Variants in CFAP47 observed in about 807,000 individuals in gnomAD.
CFAP47 encodes the protein cilia and flagella associated protein 47, also known as cilia- and flagella-associated protein 47.
CFAP47 carries 29 observed loss-of-function variants against 148.1 expected under a neutral mutation model. The observed-to-expected ratio is 0.20, with a 90% CI of 0.15 to 0.27. CFAP47 has a LOEUF of 0.27. Ranked by LOEUF, CFAP47 falls within the 10% of genes least tolerant of loss-of-function variation. CFAP47 has a pLI of 1.00. For synonymous variants in CFAP47, 664 were observed against 577.3 expected (o/e 1.15, Z -2.15); for missense variants, 1,872 against 1,697.5 (o/e 1.10, Z -1.81).
intron 49 of CFAP47, among the ~76,000 whole-genome samples, chrX:36,275,646 T>C (rs1941008303): frequency 9.0e-6 from 1 of 111,010 alleles, no homozygotes; most frequent in Non-Finnish European, 1.9e-5. Context: ...TACTGGACTT[T>C]AGTTTTCTTT....
At chrX:35,934,118 G>T (rs1935873395) in intron 2 of CFAP47, among the ~76,000 whole-genome samples, 1 of 110,972 alleles carries the variant, frequency 9.0e-6, no homozygotes, top group Admixed American at 9.6e-5. Context: ...GCCTGTGCTT[G>T]TGGGGTGCTA....
rs2146686187 is a variant in CFAP47, at chrX:35,993,982, G to T, written c.3099+661G>T. 2.7e-5 allele frequency among the ~76,000 whole-genome samples: 3 copies of T among 111,435 alleles called. 1 individual carries two copies. The South Asian group carries it at 1.1e-3, about 42-fold the overall frequency. On this transcript the variant is annotated intron_variant, in intron 18 of 63. Coordinates refer to ENST00000378653, the MANE Select transcript of CFAP47 (RefSeq NM_001304548.2). ...ATGTAAATGAAAAATATTACCCTGG[G>T]CCAGGTGTGGTGGCTCACGCCTGTA...
intron 49 of CFAP47, among the ~76,000 whole-genome samples, chrX:36,263,134 G>C (rs1940849895): frequency 8.9e-6 from 1 of 111,753 alleles, no homozygotes; most frequent in African/African-American, 3.3e-5. Flanking sequence ...TGTGTAGTTT[G>C]CAAATGTGTT....
intron 51 of CFAP47, among the ~76,000 whole-genome samples, chrX:36,288,230 C>A (rs1941154451): frequency 8.9e-6 from 1 of 112,005 alleles, no homozygotes; most frequent in Non-Finnish European, 1.9e-5. Context: ...GTTCCAAAAC[C>A]AGATTACATT....
At chrX:36,156,753 A>C (rs1377933496) in intron 37 of CFAP47, among the ~76,000 whole-genome samples, 1 of 111,535 alleles carries the variant, frequency 9.0e-6, no homozygotes, top group South Asian at 3.7e-4. Flanking sequence ...TAAGTAGACT[A>C]CACATTTGAT....
chrX:36,378,873 A>T (rs949528310), intron 62 of CFAP47, among the ~76,000 whole-genome samples: 112 of 107,306 alleles, frequency 1.0e-3, no homozygotes, highest in African/African-American at 3.7e-3. Flanking sequence ...GTGCAATGGC[A>T]TGATCTCAGC....
At chrX:36,168,048 T>C (rs938610117) in intron 39 of CFAP47, among the ~76,000 whole-genome samples, 14 of 111,272 alleles carry the variant, frequency 1.3e-4, no homozygotes, top group African/African-American at 4.2e-4. Flanking sequence ...ATTACTATTT[T>C]CATGGTATTC....
At chrX:36,160,853 T>TC in intron 39 of CFAP47, 84 bp downstream of exon 39, 16 of 181,816 alleles carry the variant, frequency 8.8e-5, no homozygotes, top group South Asian at 3.5e-4. Context: ...TTTCTTTCTT[T>TC]TTTTTTTTTT....
At chrX:35,970,616 T>C in intron 10 of CFAP47, 152 bp from the exon 11 acceptor site, 1 of 373,020 alleles carries the variant, frequency 2.7e-6, no homozygotes, top group African/African-American at 2.6e-5. Context: ...TGTCTTGATA[T>C]AGAATAGCAT....
chrX:36,129,130 C>T (rs914194563), intron 33 of CFAP47, among the ~76,000 whole-genome samples: 1 of 109,572 alleles, frequency 9.1e-6, no homozygotes, highest in Non-Finnish European at 1.9e-5. Context: ...ATTGTTTAAT[C>T]GTTATAGGAT....
intron 16 of CFAP47, 167 bp downstream of exon 16, chrX:35,989,616 A>G (rs1042382880): frequency 3.8e-6 from 4 of 1,060,187 alleles, no homozygotes; most frequent in Non-Finnish European, 5.0e-6. Flanking sequence ...TAATATCATC[A>G]TGGGAGCCAT....
At chrX:36,325,553 A>G in intron 57 of CFAP47, among the ~76,000 whole-genome samples, 1 of 111,750 alleles carries the variant, frequency 8.9e-6, no homozygotes, top group Middle Eastern at 4.7e-3. Context: ...GTGGGTAGGA[A>G]GTGTATTAGG....
intron 10 of CFAP47, among the ~76,000 whole-genome samples, chrX:35,970,365 T>G (rs1936471530): frequency 9.0e-6 from 1 of 110,896 alleles, no homozygotes. Context: ...TATTGTACAT[T>G]TTTTTTTCTG....
chrX:36,377,231 C>T (rs1447267107), intron 62 of CFAP47, among the ~76,000 whole-genome samples: 1 of 111,743 alleles, frequency 8.9e-6, no homozygotes, highest in African/African-American at 3.3e-5. Flanking sequence ...CTAGTTTACA[C>T]TCCCACCAAC....
At chrX:36,086,198 G>A (rs1335715605) in intron 30 of CFAP47, among the ~76,000 whole-genome samples, 7 of 112,077 alleles carry the variant, frequency 6.2e-5, no homozygotes, top group African/African-American at 1.6e-4. Context: ...ATGGCAAGTC[G>A]CCAAGAAATG....
intron 55 of CFAP47, among the ~76,000 whole-genome samples, chrX:36,307,086 A>T (rs1376136550): frequency 9.0e-6 from 1 of 111,302 alleles, no homozygotes; most frequent in South Asian, 3.7e-4. Flanking sequence ...GATCAGTGGA[A>T]TAAAGACAAA....
intron 15 of CFAP47, 30 bp downstream of exon 15, chrX:35,975,943 C>G: frequency 8.4e-7 from 1 of 1,190,649 alleles, no homozygotes; most frequent in Middle Eastern, 2.3e-4. Flanking sequence ...TTGATTTAGA[C>G]ATTTATTTTT....
intron 36 of CFAP47, among the ~76,000 whole-genome samples, chrX:36,146,490 A>G (rs1462884966): frequency 2.7e-5 from 3 of 112,191 alleles, no homozygotes; most frequent in African/African-American, 9.7e-5. Flanking sequence ...ATACAAATAT[A>G]CCTTTCATTT....
chrX:36,005,293 T>G (rs1936969006), intron 21 of CFAP47, among the ~76,000 whole-genome samples: 2 of 111,723 alleles, frequency 1.8e-5, no homozygotes, highest in Non-Finnish European at 1.9e-5. Context: ...ATTTGAGATA[T>G]TTCACTTTTT....
Sources: gnomAD v4.1 joint callset for allele counts (sites outside exome capture counted in the v4.1 genomes callset) on GRCh38, gnomAD v4.1.1 for gene constraint, MANE v1.5 for transcripts, NCBI Gene and HGNC (gene_info 2026-07-23, HGNC 2026-07-21) for gene names.